The following TNFSF11 variants were observed in gnomAD, a reference collection of about 807,000 sequenced individuals.
The protein encoded by TNFSF11 is tumor necrosis factor ligand superfamily member 11.
In TNFSF11, 12 loss-of-function variants were observed where a neutral mutation model predicts 32.2. The observed-to-expected ratio is 0.37, with a 90% CI of 0.24 to 0.60. TNFSF11 has a LOEUF of 0.60. Ranked by LOEUF, TNFSF11 falls within the 20% of genes least tolerant of loss-of-function variation. The pLI, the probability that TNFSF11 is intolerant of heterozygous loss-of-function variation, is 0.66. For synonymous variants in TNFSF11, 172 were observed against 152.1 expected (o/e 1.13, Z -0.96); for missense variants, 345 against 398.0 (o/e 0.87, Z 1.13).
At chr13:42,603,737 A>C (rs1299976454) in intron 4 of TNFSF11, among the ~76,000 whole-genome samples, 1 of 152,166 alleles carries the variant, frequency 6.6e-6, no homozygotes, top group African/African-American at 2.4e-5. Flanking sequence ...ACCATGTGCT[A>C]TGCAACATGC....
rs566592889 is a variant in TNFSF11, at chr13:42,566,042, A to G, written c.-301-579A>G. Among the ~76,000 whole-genome samples the G allele has an allele frequency of 3.3e-5, 5 of 152,360 alleles. No homozygotes were observed. The South Asian group carries it at 1.0e-3, about 32-fold the overall frequency. On this transcript the variant is annotated intron_variant, in intron 1 of 6. Transcript: ENST00000358545. ...GCTTTAGGACCTAAGGAGACAGTAT[A>G]GGAATAGAAGAGCACGGGCCAACTT...
At chr13:42,574,907 C>G (rs1023960133) in intron 1 of TNFSF11, among the ~76,000 whole-genome samples, 8 of 152,230 alleles carry the variant, frequency 5.3e-5, no homozygotes, top group Non-Finnish European at 1.0e-4. Context: ...CTTCTGTTCA[C>G]GTAGGAAAAA....
At chr13:42,575,961 G>T (rs185222106) in intron 1 of TNFSF11, among the ~76,000 whole-genome samples, 1 of 152,318 alleles carries the variant, frequency 6.6e-6, no homozygotes, top group Non-Finnish European at 1.5e-5. Context: ...AGCGTTGTGC[G>T]TGGCACCGTC....
intron 2 of TNFSF11, among the ~76,000 whole-genome samples, chr13:42,590,748 C>T (rs1330176872): frequency 6.6e-6 from 1 of 152,210 alleles, no homozygotes; most frequent in Non-Finnish European, 1.5e-5. Flanking sequence ...TGAAGACTAA[C>T]ATTGCTGTCA....
intron 2 of TNFSF11, among the ~76,000 whole-genome samples, chr13:42,585,396 T>C (rs1191402562): frequency 6.6e-6 from 1 of 152,102 alleles, no homozygotes; most frequent in Non-Finnish European, 1.5e-5. Flanking sequence ...CGAAAAGTGG[T>C]GTTTACCCAA....
At chr13:42,568,329 G>T (rs1566371410) in intron 2 of TNFSF11, among the ~76,000 whole-genome samples, 1 of 152,146 alleles carries the variant, frequency 6.6e-6, no homozygotes, top group Non-Finnish European at 1.5e-5. Flanking sequence ...TTTTCCAGTG[G>T]CAGGCTGCCC....
intron 2 of TNFSF11, among the ~76,000 whole-genome samples, chr13:42,592,833 A>G (rs1290290521): frequency 6.6e-6 from 1 of 152,054 alleles, no homozygotes; most frequent in Non-Finnish European, 1.5e-5. Flanking sequence ...TGATGGTTTT[A>G]TAAGCATCTG....
intron 2 of TNFSF11, among the ~76,000 whole-genome samples, chr13:42,600,145 T>C (rs767394506): frequency 6.6e-6 from 1 of 152,240 alleles, no homozygotes; most frequent in African/African-American, 2.4e-5. Flanking sequence ...TTATGTTTTT[T>C]CTTTTTTCTG....
chr13:42,601,399 C>A (rs1294835219), intron 4 of TNFSF11, among the ~76,000 whole-genome samples: 2 of 152,148 alleles, frequency 1.3e-5, no homozygotes, highest in Admixed American at 6.5e-5. Flanking sequence ...ACACTTTAGA[C>A]CCCCGTTAAG....
At chr13:42,583,808 G>A (rs1359593497) in intron 2 of TNFSF11, among the ~76,000 whole-genome samples, 1 of 152,000 alleles carries the variant, frequency 6.6e-6, no homozygotes, top group African/African-American at 2.4e-5. Context: ...TTGTTCTGAA[G>A]GTGCCAGCTA....
At chr13:42,583,592 TA>T (rs1355360552) in intron 2 of TNFSF11, among the ~76,000 whole-genome samples, 1 of 152,052 alleles carries the variant, frequency 6.6e-6, no homozygotes, top group Non-Finnish European at 1.5e-5. Flanking sequence ...TTCTGATGTT[TA>T]AAATCCATTA....
intron 2 of TNFSF11, among the ~76,000 whole-genome samples, chr13:42,599,369 T>TATC (rs1255767088): frequency 6.6e-6 from 1 of 151,778 alleles, no homozygotes; most frequent in East Asian, 1.9e-4. Flanking sequence ...TCTATCTATC[T>TATC]ATCTATCTAT....
At chr13:42,605,272 A>C (rs1594483210) in intron 4 of TNFSF11, among the ~76,000 whole-genome samples, 2 of 152,324 alleles carry the variant, frequency 1.3e-5, no homozygotes. Context: ...TGGCTGCAGG[A>C]ACTCTCTCAA....
chr13:42,570,968 T>A (rs1873044312), upstream of TNFSF11, among the ~76,000 whole-genome samples: 1 of 152,204 alleles, frequency 6.6e-6, no homozygotes, highest in Non-Finnish European at 1.5e-5. Flanking sequence ...GTTTTGTTAG[T>A]GATTTGTGTG....
rs537772356 is a variant in TNFSF11 at position 42,598,658 on chromosome 13, A to G, written c.388-2094A>G. On this transcript the variant is annotated intron_variant, in intron 2 of 4. Coordinates refer to ENST00000398795, the MANE Select transcript of TNFSF11 (RefSeq NM_003701.4). ...CCAACTAAACAAGCAGTAGCATTTG[A>G]AGGATAAGGGGCCCAATGGCTGGGA... Among the ~76,000 whole-genome samples the G allele has an allele frequency of 3.4e-4, 51 of 150,324 alleles. 1 individual carries two copies. The South Asian group carries it at 7.7e-3, about 23-fold the overall frequency.
chr13:42,594,921 T>G (rs903983653), intron 2 of TNFSF11, among the ~76,000 whole-genome samples: 1 of 151,430 alleles, frequency 6.6e-6, no homozygotes, highest in African/African-American at 2.4e-5. Flanking sequence ...CCAGCATTTT[T>G]TTATGAGTTA....
At chr13:42,568,790 T>C (rs1360308360) in intron 2 of TNFSF11, among the ~76,000 whole-genome samples, 2 of 152,188 alleles carry the variant, frequency 1.3e-5, no homozygotes, top group African/African-American at 2.4e-5. Context: ...GGGTGAGATA[T>C]TTTCACAGAC....
At chr13:42,568,947 TG>T (rs1302309105) in intron 2 of TNFSF11, among the ~76,000 whole-genome samples, 1 of 152,104 alleles carries the variant, frequency 6.6e-6, no homozygotes, top group African/African-American at 2.4e-5. Flanking sequence ...AGGAAATAGG[TG>T]GCAAATCCAA....
intron 2 of TNFSF11, among the ~76,000 whole-genome samples, chr13:42,593,241 G>A (rs139253008): frequency 7.9e-5 from 12 of 152,296 alleles, no homozygotes; most frequent in Non-Finnish European, 1.6e-4. Flanking sequence ...CTAGGAACCT[G>A]GGATGAAGAC....
Sources: gnomAD v4.1 joint callset for allele counts (sites outside exome capture counted in the v4.1 genomes callset) on GRCh38, gnomAD v4.1.1 for gene constraint, MANE v1.5 for transcripts, NCBI Gene and HGNC (gene_info 2026-07-23, HGNC 2026-07-21) for gene names.